The following NGLY1 variants were observed in gnomAD, a reference collection of about 807,000 sequenced individuals.
NGLY1 encodes N-glycanase 1.
NGLY1 carries 68 observed loss-of-function variants against 84.6 expected under a neutral mutation model. The ratio of observed to expected loss-of-function variants is 0.80; its 90% CI spans 0.66 to 0.98. The LOEUF (loss-of-function observed/expected upper bound fraction) is 0.98, where lower values mean the gene tolerates loss of function less well. Among genes scored for constraint, NGLY1 ranks in the 50% least tolerant of loss-of-function variants. The pLI is 0.00. For missense variants in NGLY1, 779 were observed against 770.2 expected (o/e 1.01, Z -0.14); for synonymous variants, 280 against 275.2 (o/e 1.02, Z -0.17).
chr3:25,764,508 A>T (rs537449943), intron 2 of NGLY1, among the ~76,000 whole-genome samples, 197 bp from the exon 3 acceptor site: 46 of 150,776 alleles, frequency 3.1e-4, no homozygotes, highest in African/African-American at 9.7e-4. Flanking sequence ...CCAGAAAATT[A>T]AAAAAAAAAT....
intron 7 of NGLY1, 92 bp from the exon 8 acceptor site, chr3:25,734,074 G>A (rs1705693798): frequency 1.3e-6 from 2 of 1,526,408 alleles, no homozygotes; most frequent in African/African-American, 1.4e-5. Context: ...ATTTTTAAAT[G>A]CATTTTTTTG....
intron 4 of NGLY1, among the ~76,000 whole-genome samples, chr3:25,743,589 T>TC (rs762238362): frequency 2.6e-5 from 4 of 151,706 alleles, no homozygotes; most frequent in Non-Finnish European, 4.4e-5. Flanking sequence ...TGTGTGTCTC[T>TC]TTCCATAATG....
At chr3:25,724,742 C>A (rs1326695793) in intron 10 of NGLY1, among the ~76,000 whole-genome samples, 1 of 152,078 alleles carries the variant, frequency 6.6e-6, no homozygotes, top group Non-Finnish European at 1.5e-5. Context: ...TCTCATGTCC[C>A]CAAACAACCT....
intron 4 of NGLY1, among the ~76,000 whole-genome samples, chr3:25,744,591 C>G (rs892767839): frequency 6.6e-6 from 1 of 152,172 alleles, no homozygotes; most frequent in African/African-American, 2.4e-5. Flanking sequence ...CATATAATAT[C>G]CACTTGCTAC....
In NGLY1 at chr3:25,724,917, C is replaced by T. The variant is rs139691274; in HGVS notation, c.1611+4216G>A. On this transcript the variant is annotated intron_variant, in intron 10 of 11. Transcript: ENST00000280700. ...TTCATTCATGGTTCCTGGCTCATAA[C>T]TCCCATAGCCTTTATTATTTCTAAG... is the stretch of plus-strand genomic sequence containing the variant. Among the ~76,000 whole-genome samples, 11 of 152,300 alleles carry T rather than the reference C, an allele frequency of 7.2e-5. No homozygotes were observed. The East Asian group carries it at 1.5e-3, about 21-fold the overall frequency.
chr3:25,725,414 C>T (rs1234795634), intron 10 of NGLY1, among the ~76,000 whole-genome samples: 1 of 152,116 alleles, frequency 6.6e-6, no homozygotes, highest in African/African-American at 2.4e-5. Context: ...AACCAGTAAA[C>T]GTGTTTCCCT....
At position 25,783,177 on chromosome 3, in the gene NGLY1, G is replaced by A. The variant is rs1559563289; in HGVS notation, c.131+83C>T. Reference sequence around the variant, plus strand: ...GGCGTCGCTGCCCTCTGAAGCTCAGGCCGGACGCCCCAGTCCCTGGCCGAA... The same window carrying A: ...GGCGTCGCTGCCCTCTGAAGCTCAGACCGGACGCCCCAGTCCCTGGCCGAA... On this transcript the variant is annotated intron_variant, in intron 1 of 11. Transcript: ENST00000280700. The surrounding 1 kb of genome is among the most constrained non-coding windows in gnomAD (Gnocchi z 4.5). 1 of 1,313,750 alleles carries A rather than the reference G, an allele frequency of 7.6e-7. No individual in the cohort carries two copies. Among genetic ancestry groups the A allele is most frequent in the Non-Finnish European group, 1.1e-6 (1 of 928,982 alleles). 81.4% of individuals were successfully genotyped at this position (1,313,750 alleles called of 1,614,324 possible).
At position 25,751,224 on chromosome 3, in the gene NGLY1, T is replaced by C. The variant is rs1559544309; in HGVS notation, c.532A>G (p.Asn178Asp). Residue 178 changes from asparagine to aspartate, a missense_variant, in exon 4 of 12, where the codon AAC (asparagine) becomes GAC (aspartate). Coordinates refer to ENST00000280700, the MANE Select transcript of NGLY1 (RefSeq NM_018297.4). ...DSAILEVLQS[N>D]IQHVLVYENP... ...TCATAGACCAGCACATGCTGAATGT[T>C]GGACTGAAGAACTTCTAGAATGGCT... 1.2e-6 allele frequency: 2 copies of C among 1,606,196 alleles called. No individual in the cohort carries two copies.
intron 4 of NGLY1, among the ~76,000 whole-genome samples, chr3:25,748,347 T>G (rs1229525047): frequency 6.6e-6 from 1 of 151,890 alleles, no homozygotes; most frequent in African/African-American, 2.4e-5. Context: ...TAATGAGGAG[T>G]TCTTAGGGAA....
chr3:25,778,700 CAA>C lies in NGLY1; in HGVS notation c.132-14_132-13del. On this transcript the variant is annotated splice_polypyrimidine_tract_variant and intron_variant, in intron 1 of 11. Transcript: ENST00000280700. ...CATCATTAGGGTTTCTGACAAAAAA[CAA>C]AAGTTTGATTATATATAAAAAAAAC... 1 of 1,524,930 alleles carries C rather than the reference CAA, an allele frequency of 6.6e-7. No individual in the cohort carries two copies. The highest frequency in any genetic ancestry group is 9.0e-7 in the Non-Finnish European group (1 of 1,116,464). 94.5% of individuals were successfully genotyped at this position (1,524,930 alleles called of 1,614,324 possible).
chr3:25,720,578 C>T (rs1704933500), intron 10 of NGLY1, among the ~76,000 whole-genome samples: 1 of 152,100 alleles, frequency 6.6e-6, no homozygotes, highest in Non-Finnish European at 1.5e-5. Context: ...TTTTATAAGT[C>T]TGGATTTTCA....
chr3:25,751,269 A>AG lies in NGLY1; in HGVS notation c.493-7dup. ...ATGGCTGAGTCAGCAGCAACCTAAT[A>AG]GGAAAAAAAAAAACTGAAATTAACT... On this transcript the variant is annotated splice_region_variant and splice_polypyrimidine_tract_variant and intron_variant, in intron 3 of 11. Transcript: ENST00000280700. 6.6e-7 allele frequency: 1 copy of AG among 1,517,566 alleles called. No homozygotes were observed. Among genetic ancestry groups the AG allele is most frequent in the Non-Finnish European group, 8.8e-7 (1 of 1,135,680 alleles). 94.0% of individuals were successfully genotyped at this position (1,517,566 alleles called of 1,614,324 possible).
chr3:25,725,921 C>A (rs1705232662), intron 10 of NGLY1, among the ~76,000 whole-genome samples: 1 of 152,068 alleles, frequency 6.6e-6, no homozygotes, highest in Non-Finnish European at 1.5e-5. Flanking sequence ...AACAGTTGAC[C>A]CACATGTCTT....
intron 4 of NGLY1, among the ~76,000 whole-genome samples, chr3:25,744,437 G>A (rs999796892): frequency 5.9e-5 from 9 of 152,246 alleles, no homozygotes; most frequent in South Asian, 2.1e-4. Context: ...ACTTTCCCCA[G>A]TCCATAGACC....
intron 8 of NGLY1, among the ~76,000 whole-genome samples, chr3:25,733,126 G>A (rs1406103256): frequency 6.6e-6 from 1 of 152,120 alleles, no homozygotes; most frequent in African/African-American, 2.4e-5. Flanking sequence ...AATGCAAGGG[G>A]ATCTAGCAAA....
intron 4 of NGLY1, among the ~76,000 whole-genome samples, chr3:25,746,161 A>G (rs1251309280): frequency 1.3e-5 from 2 of 152,158 alleles, no homozygotes; most frequent in Admixed American, 1.3e-4. Context: ...CACACAGTCT[A>G]ACTGTATTAT....
At chr3:25,754,783 T>TCA in intron 3 of NGLY1, 1 of 258,158 alleles carries the variant, frequency 3.9e-6, no homozygotes, top group Non-Finnish European at 7.1e-6. Flanking sequence ...TAGAGATGAC[T>TCA]CGTGCTTTTT....
chr3:25,727,321 T>G (rs764019376), intron 10 of NGLY1, among the ~76,000 whole-genome samples: 58 of 152,242 alleles, frequency 3.8e-4, no homozygotes, highest in Non-Finnish European at 1.0e-4. Context: ...GTGTGTTTTC[T>G]ATTTAATGGC....
At chr3:25,751,323 T>C in intron 3 of NGLY1, 60 bp from the exon 4 acceptor site, 1 of 1,328,996 alleles carries the variant, frequency 7.5e-7, no homozygotes, top group South Asian at 1.8e-5. Flanking sequence ...AAATAATATA[T>C]AATAAAAAAA....
Sources: allele counts gnomAD v4.1 joint callset (sites outside exome capture counted in the v4.1 genomes callset), GRCh38; gene constraint gnomAD v4.1.1; non-coding constraint Gnocchi (gnomAD v3.1); transcripts MANE v1.5; gene names NCBI Gene and HGNC (gene_info 2026-07-23, HGNC 2026-07-21).